Variants in UNC80 observed in about 807,000 individuals in gnomAD.
The protein encoded by UNC80 is protein unc-80 homolog.
Under a neutral mutation model 384.6 loss-of-function variants are expected in UNC80, and 164 were observed. That is an observed-to-expected ratio of 0.43 (90% CI 0.38 to 0.49). The LOEUF is 0.49. Among genes scored for constraint, UNC80 ranks in the 20% least tolerant of loss-of-function variants. UNC80 has a pLI of 0.00. For synonymous variants in UNC80, 1,486 were observed against 1,527.8 expected, an observed-to-expected ratio of 0.97 and a Z score of 0.64; for missense variants, 3,330 against 4,143.0, an observed-to-expected ratio of 0.80 and a Z score of 5.39.
chr2:209,811,798 C>T (rs1242175706), intron 7 of UNC80, among the ~76,000 whole-genome samples: 2 of 152,128 alleles, frequency 1.3e-5, no homozygotes, highest in African/African-American at 2.4e-5. Context: ...GTACCTCAAT[C>T]CATCAGACAA....
chr2:209,780,049 T>C (rs1267392356), intron 4 of UNC80, among the ~76,000 whole-genome samples: 1 of 152,228 alleles, frequency 6.6e-6, no homozygotes, highest in Non-Finnish European at 1.5e-5. Flanking sequence ...AAACAAGTTA[T>C]AGTATTCAAC....
chr2:209,959,037 A>C (rs969849757), intron 49 of UNC80, 82 bp from the exon 50 acceptor site: 6 of 1,183,050 alleles, frequency 5.1e-6, no homozygotes, highest in Non-Finnish European at 7.4e-6. Context: ...AGGGCTTTTC[A>C]TATGAAAGTC....
chr2:209,899,800 C>T (rs1053494060), intron 28 of UNC80, among the ~76,000 whole-genome samples: 2 of 152,194 alleles, frequency 1.3e-5, no homozygotes, highest in African/African-American at 4.8e-5. Flanking sequence ...TGTTTGTCAG[C>T]TGGTCTTTGC....
rs1200990702 is a variant in UNC80 at position 209,976,044 on chromosome 2, A to G, written c.8588-75A>G. On this transcript the variant is annotated intron_variant, in intron 56 of 64. Coordinates refer to ENST00000673920, the MANE Select transcript of UNC80 (RefSeq NM_001371986.1). The surrounding 1 kb of genome is among the most constrained non-coding windows in gnomAD (Gnocchi z 4.3). ...TTAGAAAATTTCTAAAGGTGCATAA[A>G]GGGCTCTGGATGTAGGTTGGGTTCC... 2 of 1,441,114 alleles carry G rather than the reference A, an allele frequency of 1.4e-6. No individual in the cohort carries two copies. Among genetic ancestry groups the G allele is most frequent in the Non-Finnish European group, 1.8e-6 (2 of 1,087,542 alleles). 89.3% of individuals were successfully genotyped at this position (1,441,114 alleles called of 1,614,324 possible). A position where few individuals can be genotyped will look rare whatever the true frequency, so the allele number is the denominator to read the frequency against.
chr2:209,873,496 T>C (rs913771301), intron 23 of UNC80, among the ~76,000 whole-genome samples: 2 of 152,188 alleles, frequency 1.3e-5, no homozygotes, highest in Non-Finnish European at 2.9e-5. Flanking sequence ...TAAACACATA[T>C]TTATGTATGC....
intron 13 of UNC80, among the ~76,000 whole-genome samples, chr2:209,821,936 A>G (rs2080163055): frequency 6.6e-6 from 1 of 152,206 alleles, no homozygotes; most frequent in African/African-American, 2.4e-5. Context: ...TGTATAAACT[A>G]TAAATTGTCC....
chr2:209,851,051 T>C (rs2082493883), intron 22 of UNC80, among the ~76,000 whole-genome samples: 1 of 152,080 alleles, frequency 6.6e-6, no homozygotes, highest in Admixed American at 6.6e-5. Context: ...TGGAAAAGTA[T>C]ATGAACAGCC....
At chr2:209,849,944 G>A (rs1284830719) in intron 22 of UNC80, among the ~76,000 whole-genome samples, 1 of 151,970 alleles carries the variant, frequency 6.6e-6, no homozygotes, top group Non-Finnish European at 1.5e-5. Flanking sequence ...TCGGGCTAGT[G>A]CGAAAACTAA....
intron 7 of UNC80, among the ~76,000 whole-genome samples, chr2:209,802,733 G>C (rs1326492989): frequency 6.6e-6 from 1 of 152,142 alleles, no homozygotes; most frequent in Non-Finnish European, 1.5e-5. Context: ...GGAAAACCCA[G>C]GCACAAGTTA....
chr2:209,995,441 G>T lies in UNC80; in HGVS notation c.9821G>T (p.Gly3274Val). The change falls in exon 65 of 65, where the codon GGC (glycine) becomes GTC (valine). Residue 3274 changes from glycine (G) to valine (V), a missense_variant. By Grantham distance (109) the Gly-to-Val change is moderately radical. Coordinates refer to ENST00000673920, the MANE Select transcript of UNC80 (RefSeq NM_001371986.1). ...AQLSDPDDFT[G>V]LETSSLLQHG... ...CTCTCTGACCCTGATGACTTCACAGGCCTCGAGACATCCAGCCTCCTACAG... is the reference window on the plus strand; with the variant it reads ...CTCTCTGACCCTGATGACTTCACAGTCCTCGAGACATCCAGCCTCCTACAG... 2 of 1,551,836 alleles carry T rather than the reference G, an allele frequency of 1.3e-6. No individual in the cohort carries two copies. Among genetic ancestry groups the T allele is most frequent in the Non-Finnish European group, 1.7e-6 (2 of 1,147,028 alleles).
At chr2:209,916,442 A>G (rs1433644757) in intron 31 of UNC80, among the ~76,000 whole-genome samples, 1 of 152,232 alleles carries the variant, frequency 6.6e-6, no homozygotes, top group African/African-American at 2.4e-5. Context: ...CGTGAGCATT[A>G]CAAGAAAACT....
chr2:209,907,000 T>A lies in UNC80; in HGVS notation c.4782+2035T>A, dbSNP rs369461200. Among the ~76,000 whole-genome samples, 424 of 152,296 alleles carry A rather than the reference T, an allele frequency of 2.8e-3. 26 individuals carry two copies. In the South Asian group the frequency reaches 0.084, roughly 30 times the overall value. ...CTGGCACTAGGCCTCTAATCTAACA[T>A]AGCCCAACCCAAACATTCTTTAAGA... On this transcript the variant is annotated intron_variant, in intron 29 of 64. Transcript: ENST00000673920.
intron 25 of UNC80, among the ~76,000 whole-genome samples, chr2:209,887,033 T>G (rs2085874653): frequency 6.6e-6 from 1 of 152,186 alleles, no homozygotes; most frequent in East Asian, 1.9e-4. Flanking sequence ...CTTTTTATTA[T>G]TATTATTTTT....
At chr2:209,956,149 A>G (rs906836241) in intron 48 of UNC80, among the ~76,000 whole-genome samples, 4 of 152,208 alleles carry the variant, frequency 2.6e-5, no homozygotes, top group African/African-American at 9.6e-5. Context: ...GAAGTGTCAC[A>G]AAGAGTTATG....
In UNC80 at chr2:209,780,069, A is replaced by T. The variant is rs980315793; in HGVS notation, c.600+2510A>T. Among the ~76,000 whole-genome samples the T allele has an allele frequency of 3.3e-5, 5 of 152,248 alleles. No homozygotes were observed. In the East Asian group the frequency reaches 9.6e-4, roughly 29 times the overall value. ...AGTTATAGTATTCAACTTGATACAA[A>T]GAAATTCATTAACAAATGTTAGTTG... On this transcript the variant is annotated intron_variant, in intron 4 of 64. Transcript: ENST00000673920.
At chr2:209,818,932 T>G (rs2079940716) in intron 11 of UNC80, 61 bp from the exon 12 acceptor site, 3 of 1,497,090 alleles carry the variant, frequency 2.0e-6, no homozygotes, top group Middle Eastern at 1.7e-4. Flanking sequence ...ATAGTATAAC[T>G]GTCTAACTGG....
intron 22 of UNC80, among the ~76,000 whole-genome samples, chr2:209,858,360 C>T (rs2083091544): frequency 6.6e-6 from 1 of 152,016 alleles, no homozygotes; most frequent in South Asian, 2.1e-4. Flanking sequence ...TTTTGCCAAT[C>T]CTTTACTTTC....
intron 47 of UNC80, among the ~76,000 whole-genome samples, chr2:209,952,656 C>T (rs2092238992): frequency 6.6e-6 from 1 of 152,168 alleles, no homozygotes; most frequent in Admixed American, 6.5e-5. Flanking sequence ...ACTGAAGAAG[C>T]TTTCTTTCTC....
Position 209,912,610 on chromosome 2 carries a change from A to G in UNC80, c.4833A>G (p.Ser1611=), listed in dbSNP as rs2089076449. The change falls in exon 30 of 65, where the codon TCA becomes TCG. Residue 1611 remains serine, a synonymous_variant. Coordinates refer to ENST00000673920, the MANE Select transcript of UNC80 (RefSeq NM_001371986.1). Reference sequence around the variant, plus strand: ...CACCTTCTCTAAAGAAGAGAGTTTCAGATGCCAATCTGGAAGGAAAAAAAG... The same window carrying G: ...CACCTTCTCTAAAGAAGAGAGTTTCGGATGCCAATCTGGAAGGAAAAAAAG... ...LRTPSLKKRV[S]DANLEGKKDS... is the part of the protein sequence containing the mutation. 3.2e-6 allele frequency: 5 copies of G among 1,551,610 alleles called. 1 individual carries two copies. The South Asian group carries it at 3.6e-5, about 11-fold the overall frequency.
Sources: allele counts gnomAD v4.1 joint callset (sites outside exome capture counted in the v4.1 genomes callset), GRCh38; gene constraint gnomAD v4.1.1; non-coding constraint Gnocchi (gnomAD v3.1); transcripts MANE v1.5; gene names NCBI Gene and HGNC (gene_info 2026-07-23, HGNC 2026-07-21).